The following KIAA0930 variants were observed in gnomAD, a reference collection of about 807,000 sequenced individuals.
KIAA0930 encodes the protein uncharacterized protein KIAA0930.
In KIAA0930, 24 loss-of-function variants were observed where a neutral mutation model predicts 43.9. The ratio of observed to expected loss-of-function variants is 0.55; its 90% CI spans 0.40 to 0.77. The LOEUF (loss-of-function observed/expected upper bound fraction) is 0.77, where lower values mean the gene tolerates loss of function less well. Among genes scored for constraint, KIAA0930 ranks in the 30% least tolerant of loss-of-function variants. KIAA0930 has a pLI of 0.00. For missense variants in KIAA0930, 461 were observed against 574.2 expected, an observed-to-expected ratio of 0.80 and a Z score of 2.02; for synonymous variants, 259 against 216.4, an observed-to-expected ratio of 1.20 and a Z score of -1.73.
chr22:45,197,105 G>A lies in KIAA0930; in HGVS notation c.*71C>T. ...TGCCATCGCAGACCCCGGTGGCGGT[G>A]GACAGGTAGGCACTTGGCAGCACTC... On this transcript the variant is annotated 3_prime_UTR_variant, in exon 10 of 10. Coordinates refer to ENST00000336156, the MANE Select transcript of KIAA0930 (RefSeq NM_001009880.2). 1 of 1,314,282 alleles carries A rather than the reference G, an allele frequency of 7.6e-7. No individual in the cohort carries two copies. Among genetic ancestry groups the A allele is most frequent in the Non-Finnish European group, 1.0e-6 (1 of 970,248 alleles). The allele number at this position is 1,314,282 out of a possible 1,614,324, so 81.4% of individuals were successfully genotyped here. A position where few individuals can be genotyped will look rare whatever the true frequency, so the allele number is the denominator to read the frequency against.
chr22:45,205,736 G>A (rs1455071652), intron 3 of KIAA0930, 29 bp from the exon 4 acceptor site: 1 of 1,613,746 alleles, frequency 6.2e-7, no homozygotes, highest in Non-Finnish European at 8.5e-7. Flanking sequence ...CAGCGTGCAG[G>A]GAGGGGTCAG....
intron 1 of KIAA0930, among the ~76,000 whole-genome samples, chr22:45,233,316 G>C (rs1443923644): frequency 6.6e-6 from 1 of 152,184 alleles, no homozygotes; most frequent in Non-Finnish European, 1.5e-5. Flanking sequence ...GTGTGGTACA[G>C]GGTGGGCAGA....
intron 6 of KIAA0930, 51 bp downstream of exon 6, chr22:45,203,794 G>A (rs1294166423): frequency 1.3e-6 from 2 of 1,585,396 alleles, no homozygotes; most frequent in Non-Finnish European, 1.7e-6. Context: ...GGGCTGTGGA[G>A]CCGCCGTCCC....
At chr22:45,207,058 G>A (rs2083644652) in intron 2 of KIAA0930, among the ~76,000 whole-genome samples, 1 of 150,656 alleles carries the variant, frequency 6.6e-6, no homozygotes, top group African/African-American at 2.5e-5. Context: ...CCGGGCTGGA[G>A]TACAGTGGCA....
rs962182056 is a variant in KIAA0930, at chr22:45,229,632, C to T, written c.64+11008G>A. 6.6e-5 allele frequency among the ~76,000 whole-genome samples: 10 copies of T among 152,300 alleles called. No homozygotes were observed. In the South Asian group the frequency reaches 2.1e-3, roughly 32 times the overall value. On this transcript the variant is annotated intron_variant, in intron 1 of 9. Coordinates refer to ENST00000336156, the MANE Select transcript of KIAA0930 (RefSeq NM_001009880.2). ...AGAAGGGCCCTAGAGCCAAGGGCCC[C>T]CCTCTCCGCCAACAACGGGTTGAGG...
intron 1 of KIAA0930, among the ~76,000 whole-genome samples, chr22:45,214,743 TA>T (rs370116408): frequency 2.7e-5 from 4 of 148,656 alleles, no homozygotes; most frequent in Non-Finnish European, 3.0e-5. Flanking sequence ...ACCTGGTCTC[TA>T]AAAAAAAAAT....
intron 1 of KIAA0930, among the ~76,000 whole-genome samples, chr22:45,216,874 C>CTGCCTTCT (rs1569079209): frequency 6.6e-5 from 10 of 151,966 alleles, no homozygotes; most frequent in Non-Finnish European, 1.3e-4. Context: ...CCCTGCCTTC[C>CTGCCTTCT]CTCCCTTCCC....
At chr22:45,225,307 G>A (rs1387751209) in intron 1 of KIAA0930, among the ~76,000 whole-genome samples, 5 of 152,058 alleles carry the variant, frequency 3.3e-5, no homozygotes, top group African/African-American at 7.2e-5. Context: ...CTGCTCTGAC[G>A]AGGCACTTGG....
chr22:45,192,672 G>T lies in KIAA0930; in HGVS notation c.*4504C>A. On this transcript the variant is annotated 3_prime_UTR_variant, in exon 10 of 10. Transcript: ENST00000336156. ...GTCGCGGGCTCTGTGGGGTTGCAGG[G>T]TCACTGTTATTTTGATCTGCTGAGC... The T allele has an allele frequency of 6.6e-6, 1 of 152,388 alleles. No individual in the cohort carries two copies. The allele number at this position is 152,388 out of a possible 1,614,324, so 9.4% of individuals were successfully genotyped here.
In KIAA0930 at chr22:45,197,751, GAGA is replaced by G. The variant is rs2083550338; in HGVS notation, c.1174+36_1174+38del. 1.9e-6 allele frequency: 3 copies of G among 1,608,488 alleles called. No individual in the cohort carries two copies. In the Admixed American group the frequency reaches 5.0e-5, roughly 27 times the overall value. ...AGGCCCTGGAGGCAGAGCTGGCTGT[GAGA>G]AGGTGCGGCTGCTTCCCCACATCCG... On this transcript the variant is annotated intron_variant, in intron 9 of 9. Coordinates refer to ENST00000336156, the MANE Select transcript of KIAA0930 (RefSeq NM_001009880.2).
At chr22:45,200,473 C>T (rs1256061961) in intron 7 of KIAA0930, among the ~76,000 whole-genome samples, 2 of 152,096 alleles carry the variant, frequency 1.3e-5, no homozygotes, top group African/African-American at 4.8e-5. Flanking sequence ...AGGCAGGGAC[C>T]GAGACCCTGG....
chr22:45,220,613 T>G (rs2083761792), intron 1 of KIAA0930, among the ~76,000 whole-genome samples: 1 of 152,128 alleles, frequency 6.6e-6, no homozygotes, highest in South Asian at 2.1e-4. Context: ...ACAGGGTCTA[T>G]CTATGTCACC....
Position 45,217,533 on chromosome 22 carries a change from C to T in KIAA0930, c.65-5426G>A, listed in dbSNP as rs1367634429. Among the ~76,000 whole-genome samples, 8 of 152,248 alleles carry T rather than the reference C, an allele frequency of 5.3e-5. No individual in the cohort carries two copies. The East Asian group carries it at 1.5e-3, about 29-fold the overall frequency. ...TTGTGCCTGGGACTAGATAGCATCT[C>T]AGCCCAGGGCCATTTTAAAGCACTG... is the stretch of plus-strand genomic sequence containing the variant. On this transcript the variant is annotated intron_variant, in intron 1 of 9. Transcript: ENST00000336156.
chr22:45,227,900 GAGCTCCCACTGTGTGCGGGGGC>G (rs1053544061), intron 1 of KIAA0930, among the ~76,000 whole-genome samples: 3 of 152,204 alleles, frequency 2.0e-5, no homozygotes, highest in Non-Finnish European at 2.9e-5. Flanking sequence ...AGCAGCTAAC[GAGCTCCCACTGTGTGCGGGGGC>G]AGCTCCCTCC....
In KIAA0930 at chr22:45,197,179, G is replaced by T; in HGVS notation, c.1212C>A (p.Thr404=). ...LEVRQKPILM[T] is the part of the protein sequence containing the mutation. ...TCTGCGCAGGCTCCGCACGCGGCTAGGTCATCAGGATGGGCTTCTGCCGAA... is the reference window on the plus strand; with the variant it reads ...TCTGCGCAGGCTCCGCACGCGGCTATGTCATCAGGATGGGCTTCTGCCGAA... The change falls in exon 10 of 10, where the codon ACC becomes ACA. Residue 404 remains threonine (T), a synonymous_variant. Transcript: ENST00000336156. 1 of 1,549,852 alleles carries T rather than the reference G, an allele frequency of 6.5e-7. No individual in the cohort carries two copies.
At chr22:45,210,956 C>T (rs1387354509) in intron 2 of KIAA0930, among the ~76,000 whole-genome samples, 1 of 152,234 alleles carries the variant, frequency 6.6e-6, no homozygotes, top group Non-Finnish European at 1.5e-5. Context: ...CCTCCCCTCT[C>T]CTGGCTCTTC....
At chr22:45,198,816 A>C (rs1448101174) in intron 8 of KIAA0930, among the ~76,000 whole-genome samples, 3 of 151,918 alleles carry the variant, frequency 2.0e-5, no homozygotes, top group Non-Finnish European at 4.4e-5. Flanking sequence ...TGCCCGGCTA[A>C]TTTTTTGTAT....
chr22:45,214,743 T>TA (rs370116408), intron 1 of KIAA0930, among the ~76,000 whole-genome samples: 6,266 of 148,660 alleles, frequency 0.042, 424 homozygotes, highest in African/African-American at 0.14. Flanking sequence ...ACCTGGTCTC[T>TA]AAAAAAAAAA....
At chr22:45,203,805 C>A in intron 6 of KIAA0930, 40 bp downstream of exon 6, 2 of 1,603,456 alleles carry the variant, frequency 1.2e-6, no homozygotes, top group East Asian at 4.5e-5. Flanking sequence ...CCGCCGTCCC[C>A]GGGCCCAGAA....
Sources: gnomAD v4.1 joint callset for allele counts (sites outside exome capture counted in the v4.1 genomes callset) on GRCh38, gnomAD v4.1.1 for gene constraint, MANE v1.5 for transcripts, NCBI Gene and HGNC (gene_info 2026-07-23, HGNC 2026-07-21) for gene names.